Variants in NAV2 observed in about 807,000 individuals in gnomAD.
NAV2 encodes the protein helicase, APC down-regulated 1.
In NAV2, 54 loss-of-function variants were observed where a neutral mutation model predicts 223.2. That is an observed-to-expected ratio of 0.24 (90% confidence interval 0.19 to 0.30). The LOEUF is 0.30. Ranked by LOEUF, NAV2 falls within the 10% of genes least tolerant of loss-of-function variation. The pLI, the probability that NAV2 is intolerant of heterozygous loss-of-function variation, is 1.00. For missense variants in NAV2, 2,806 were observed against 3,147.5 expected (o/e 0.89, Z 2.60); for synonymous variants, 1,279 against 1,239.3 (o/e 1.03, Z -0.67).
At chr11:19,909,159 TA>T (rs909001641) in intron 6 of NAV2, among the ~76,000 whole-genome samples, 3 of 152,012 alleles carry the variant, frequency 2.0e-5, no homozygotes, top group Admixed American at 6.5e-5. Context: ...TTCCCCTCGA[TA>T]AAAAAAAGTA....
At chr11:19,465,945 A>G (rs1445894419) in intron 1 of NAV2, among the ~76,000 whole-genome samples, 1 of 152,224 alleles carries the variant, frequency 6.6e-6, no homozygotes, top group Non-Finnish European at 1.5e-5. Flanking sequence ...GTGGTGGATC[A>G]GAGAGCACCA....
chr11:19,843,374 T>C (rs1262849162), intron 3 of NAV2, among the ~76,000 whole-genome samples: 1 of 152,236 alleles, frequency 6.6e-6, no homozygotes, highest in Non-Finnish European at 1.5e-5. Flanking sequence ...AAATCAGAAC[T>C]GTGACAGGAA....
In NAV2 at chr11:20,105,299, G is replaced by A. The variant is rs35463615; in HGVS notation, c.6645-232G>A. On this transcript the variant is annotated intron_variant, in intron 34 of 37. Transcript: ENST00000349880. The stretch of plus-strand genomic sequence containing the variant: ...AGTTACATGACCTGTCTGTTCCTCA[G>A]CATTTCTGTCCGTAAAACGGAGGTG... The A allele has an allele frequency of 1.9e-4, 80 of 427,582 alleles. No individual in the cohort carries two copies. In the East Asian group the frequency reaches 2.6e-3, roughly 14 times the overall value. The allele number at this position is 427,582 out of a possible 1,614,324, so 26.5% of individuals were successfully genotyped here. A position where few individuals can be genotyped will look rare whatever the true frequency, so the allele number is the denominator to read the frequency against.
In NAV2 at chr11:20,043,508, C is replaced by T. The variant is rs142806764; in HGVS notation, c.2908-473C>T. ...TCATCCAGGCTAGAGTACAGTGGTG[C>T]GGTCACGGCTTACTGCAGCCTCCAC... is the stretch of plus-strand genomic sequence containing the variant. On this transcript the variant is annotated intron_variant, in intron 12 of 37. Transcript: ENST00000349880. Among the ~76,000 whole-genome samples, 926 of 152,190 alleles carry T rather than the reference C, an allele frequency of 6.1e-3. 11 individuals are homozygous for T. Among genetic ancestry groups the T allele is most frequent in the African/African-American group, 0.021 (869 of 41,538 alleles).
rs370424883 is a variant in NAV2, at chr11:19,392,326, C to T, written c.75+41299C>T. ...AAACCACTCCAACACAATGACTTAACTCAGTTACATATATTTTGTTCAGGA... is the reference window on the plus strand; with the variant it reads ...AAACCACTCCAACACAATGACTTAATTCAGTTACATATATTTTGTTCAGGA... On this transcript the variant is annotated intron_variant, in intron 1 of 37. Transcript: ENST00000360655. Among the ~76,000 whole-genome samples the T allele has an allele frequency of 5.3e-5, 8 of 152,092 alleles. No homozygotes were observed. In the East Asian group the frequency reaches 1.2e-3, roughly 22 times the overall value.
At chr11:19,471,263 C>T (rs2041956211) in intron 1 of NAV2, among the ~76,000 whole-genome samples, 1 of 152,180 alleles carries the variant, frequency 6.6e-6, no homozygotes, top group Non-Finnish European at 1.5e-5. Context: ...GTCACTTAAA[C>T]TTCCCAAGTC....
At chr11:20,016,302 C>A (rs7948078) in intron 11 of NAV2, among the ~76,000 whole-genome samples, 12 of 152,210 alleles carry the variant, frequency 7.9e-5, no homozygotes, top group East Asian at 1.9e-4. Flanking sequence ...CCACATGGTC[C>A]TGTTCCTTAG....
In NAV2 at chr11:19,638,545, C is replaced by T. The variant is rs994017433; in HGVS notation, c.76-193939C>T. Among the ~76,000 whole-genome samples the T allele has an allele frequency of 1.7e-4, 26 of 152,262 alleles. No homozygotes were observed. In the South Asian group the frequency reaches 2.7e-3, roughly 16 times the overall value. On this transcript the variant is annotated intron_variant, in intron 1 of 37. Coordinates refer to the NAV2 transcript ENST00000360655. The stretch of plus-strand genomic sequence containing the variant: ...TTTTTATGATGTGCCAGGTACTGTT[C>T]CAAAGCTTTATATGCAAGGTCTTAT...
chr11:19,898,511 G>A lies in NAV2; in HGVS notation c.931+5917G>A, dbSNP rs150228273. On this transcript the variant is annotated intron_variant, in intron 6 of 37. Transcript: ENST00000349880. ...AAGTCATGGACAGCCTTTCTCGTTT[G>A]TGCACATAGGTCATTCTTTCTTCCT... is the stretch of plus-strand genomic sequence containing the variant. Among the ~76,000 whole-genome samples the A allele has an allele frequency of 5.9e-5, 9 of 152,300 alleles. No individual in the cohort carries two copies. In the East Asian group the frequency reaches 1.7e-3, roughly 29 times the overall value.
intron 1 of NAV2, among the ~76,000 whole-genome samples, chr11:19,715,245 AAACAT>A (rs1438325592): frequency 2.0e-5 from 3 of 152,152 alleles, no homozygotes; most frequent in Non-Finnish European, 4.4e-5. Context: ...TGCACTTGCT[AAACAT>A]TTTTGGAAGC....
At chr11:19,351,976 A>AGTGTGTGTGTGTGT (rs59544307) in intron 1 of NAV2, among the ~76,000 whole-genome samples, 1 of 145,578 alleles carries the variant, frequency 6.9e-6, no homozygotes, top group East Asian at 2.0e-4. Flanking sequence ...TCTCTCTGTG[A>AGTGTGTGTGTGTGT]GTGTGTGTGT....
intron 1 of NAV2, among the ~76,000 whole-genome samples, chr11:19,378,044 C>A (rs1207124582): frequency 6.6e-6 from 1 of 152,146 alleles, no homozygotes. Flanking sequence ...CAAGGCAGAG[C>A]TGTCTGGGGT....
At position 19,618,139 on chromosome 11, in the gene NAV2, A is replaced by G. The variant is rs141991986; in HGVS notation, c.76-214345A>G. 1.6e-4 allele frequency among the ~76,000 whole-genome samples: 24 copies of G among 152,332 alleles called. No homozygotes were observed. In the East Asian group the frequency reaches 3.7e-3, roughly 23 times the overall value. On this transcript the variant is annotated intron_variant, in intron 1 of 37. Transcript: ENST00000360655. ...AAGGCAGATATTTTTGTCTGATTTT[A>G]TTCTTTGATGTAAATAAATACCTAG...
rs563421102 is a variant in NAV2, at chr11:19,925,764, A to G, written c.932-7412A>G. On this transcript the variant is annotated intron_variant, in intron 6 of 37. Transcript: ENST00000349880. ...TTCTGTCTCAAAAAAAAAAAAAAAAAGAATCCAACTTTAGTTTTCTTTTCC... is the reference window on the plus strand; with the variant it reads ...TTCTGTCTCAAAAAAAAAAAAAAAAGGAATCCAACTTTAGTTTTCTTTTCC... 1.4e-4 allele frequency among the ~76,000 whole-genome samples: 21 copies of G among 151,730 alleles called. No homozygotes were observed. In the South Asian group the frequency reaches 2.9e-3, roughly 21 times the overall value.
At chr11:19,609,439 A>G (rs897301085) in intron 1 of NAV2, among the ~76,000 whole-genome samples, 5 of 152,178 alleles carry the variant, frequency 3.3e-5, no homozygotes, top group African/African-American at 1.2e-4. Context: ...GAGGGGAGAG[A>G]GAGAGGTAGA....
At chr11:19,504,276 T>C (rs1019441549) in intron 1 of NAV2, 4 of 152,186 alleles carry the variant, frequency 2.6e-5, no homozygotes, top group African/African-American at 9.7e-5. Flanking sequence ...AAACTAAACA[T>C]ACTCCTACCA....
At chr11:19,403,928 C>T (rs1030339161) in intron 1 of NAV2, among the ~76,000 whole-genome samples, 2 of 47,090 alleles carry the variant, frequency 4.2e-5, no homozygotes, top group African/African-American at 1.0e-4. Flanking sequence ...TCCTTGCGTA[C>T]GTGGCTCTTA....
chr11:19,991,850 T>C (rs534869606), intron 11 of NAV2, among the ~76,000 whole-genome samples: 2 of 152,200 alleles, frequency 1.3e-5, no homozygotes, highest in South Asian at 2.1e-4. Context: ...GGTCAATCAA[T>C]TGACCCTCTC....
chr11:19,984,369 G>C, intron 11 of NAV2, 122 bp downstream of exon 11: 3 of 1,473,798 alleles, frequency 2.0e-6, no homozygotes, highest in African/African-American at 1.4e-5. Flanking sequence ...GGGAGGGGAG[G>C]CCTGGAATCT....
Sources: gnomAD v4.1 joint callset for allele counts (sites outside exome capture counted in the v4.1 genomes callset) on GRCh38, gnomAD v4.1.1 for gene constraint, MANE v1.5 for transcripts, NCBI Gene and HGNC (gene_info 2026-07-23, HGNC 2026-07-21) for gene names.